ARHGAP25: variants seen among roughly 807,000 people sequenced by gnomAD.
The protein encoded by ARHGAP25 is Rho GTPase activating protein 25.
ARHGAP25 carries 34 observed loss-of-function variants against 71.0 expected under a neutral mutation model. The observed-to-expected ratio is 0.48, with a 90% CI of 0.36 to 0.64. The LOEUF (loss-of-function observed/expected upper bound fraction) is 0.64. ARHGAP25 is among the 30% of genes least tolerant of loss of function. The pLI is 0.00. For missense variants in ARHGAP25, 706 were observed against 805.1 expected (o/e 0.88, Z 1.49); for synonymous variants, 282 against 296.5 (o/e 0.95, Z 0.50).
At chr2:68,797,867 A>G (rs555470006) in intron 4 of ARHGAP25, among the ~76,000 whole-genome samples, 1 of 152,322 alleles carries the variant, frequency 6.6e-6, no homozygotes, top group South Asian at 2.1e-4. Context: ...GGACAGCAGA[A>G]AGGCACTCAC....
intron 10 of ARHGAP25, among the ~76,000 whole-genome samples, chr2:68,823,555 G>T (rs1681865258): frequency 6.6e-6 from 1 of 152,178 alleles, no homozygotes. Context: ...CATGAGAAAA[G>T]AGCAGTCCCC....
chr2:68,769,003 T>C (rs1157282187), intron 1 of ARHGAP25, among the ~76,000 whole-genome samples: 1 of 152,190 alleles, frequency 6.6e-6, no homozygotes, highest in Non-Finnish European at 1.5e-5. Context: ...TGGGGAAGGC[T>C]ACCTTACCAG....
chr2:68,720,817 C>G (rs571468299), intron 2 of ARHGAP25, among the ~76,000 whole-genome samples: 1 of 152,292 alleles, frequency 6.6e-6, no homozygotes, highest in South Asian at 2.1e-4. Context: ...TGTTTGCACA[C>G]GTACTGGGCC....
At chr2:68,712,522 A>G (rs1326380485) in intron 2 of ARHGAP25, among the ~76,000 whole-genome samples, 4 of 152,100 alleles carry the variant, frequency 2.6e-5, no homozygotes, top group Non-Finnish European at 4.4e-5. Context: ...ATTAGATCCC[A>G]TCTGTCTATT....
chr2:68,784,160 GCTCTCTCT>G (rs140044777), intron 3 of ARHGAP25, among the ~76,000 whole-genome samples: 2 of 149,356 alleles, frequency 1.3e-5, no homozygotes, highest in Non-Finnish European at 3.0e-5. Flanking sequence ...TCTCTCTTTC[GCTCTCTCT>G]CTCTCTTTCT....
At chr2:68,772,496 G>A (rs926868333) in intron 1 of ARHGAP25, among the ~76,000 whole-genome samples, 8 of 152,360 alleles carry the variant, frequency 5.3e-5, no homozygotes, top group African/African-American at 1.9e-4. Flanking sequence ...TGAAGTGGGG[G>A]AGAATGCCTC....
At chr2:68,818,309 C>CATTTT (rs765187805) in intron 8 of ARHGAP25, among the ~76,000 whole-genome samples, 224 of 152,184 alleles carry the variant, frequency 1.5e-3, no homozygotes, top group Non-Finnish European at 2.5e-3. Flanking sequence ...AAGCAGGTTT[C>CATTTT]ATTTTATTTT....
At chr2:68,758,860 T>C (rs1676639841) in intron 1 of ARHGAP25, among the ~76,000 whole-genome samples, 1 of 151,914 alleles carries the variant, frequency 6.6e-6, no homozygotes, top group South Asian at 2.1e-4. Context: ...TAGGACACAA[T>C]TTAAGTCTCA....
In ARHGAP25 at chr2:68,810,731, C is replaced by CTTTTTTTTTTTTTTTTTT; in HGVS notation, c.675-2552_675-2535dup. Among the ~76,000 whole-genome samples, 2 of 74,356 alleles carry CTTTTTTTTTTTTTTTTTT rather than the reference C, an allele frequency of 2.7e-5. 1 individual carries two copies. The allele number at this position is 74,356 out of a possible 152,430, so 48.8% of individuals were successfully genotyped here. A position where few individuals can be genotyped will look rare whatever the true frequency, so the allele number is the denominator to read the frequency against. On this transcript the variant is annotated intron_variant, in intron 5 of 10. Coordinates refer to ENST00000409202, the MANE Select transcript of ARHGAP25 (RefSeq NM_001007231.3). The stretch of plus-strand genomic sequence containing the variant: ...GATCCAATTTCTTTTCTTTTCTTCT[C>CTTTTTTTTTTTTTTTTTT]TTTTTTTTTTTTTTTTTTTTTGAGA...
At chr2:68,771,506 C>G (rs1677490237) in intron 1 of ARHGAP25, among the ~76,000 whole-genome samples, 1 of 152,182 alleles carries the variant, frequency 6.6e-6, no homozygotes, top group South Asian at 2.1e-4. Context: ...TTCAAAGAAC[C>G]TAACAAGGAA....
At position 68,735,011 on chromosome 2, in the gene ARHGAP25, A is replaced by C; in HGVS notation, c.-189A>C. Reference sequence around the variant, plus strand: ...CCATCCTCCAGTGACAGATGGATGGACCTTTCATCTAAGAGAAAGGAGGAG... The same window carrying C: ...CCATCCTCCAGTGACAGATGGATGGCCCTTTCATCTAAGAGAAAGGAGGAG... On this transcript the variant is annotated 5_prime_UTR_variant, in exon 1 of 11. Coordinates refer to ENST00000409202, the MANE Select transcript of ARHGAP25 (RefSeq NM_001007231.3). 1 of 628,390 alleles carries C rather than the reference A, an allele frequency of 1.6e-6. No homozygotes were observed. Among genetic ancestry groups the C allele is most frequent in the Non-Finnish European group, 2.9e-6 (1 of 350,452 alleles). The allele number at this position is 628,390 out of a possible 1,614,324, so 38.9% of individuals were successfully genotyped here. A position where few individuals can be genotyped will look rare whatever the true frequency, so the allele number is the denominator to read the frequency against.
In ARHGAP25 at chr2:68,822,345, C is replaced by T. The variant is rs772295238; in HGVS notation, c.1206C>T (p.Ser402=). The T allele has an allele frequency of 6.8e-6, 11 of 1,611,656 alleles. No individual in the cohort carries two copies. Among genetic ancestry groups the T allele is most frequent in the East Asian group, 4.5e-5 (2 of 44,878 alleles). ...CATGGCCATTTCTTTTCTAGACAAG[C>T]GACTCTGATACAACCAGCCCCACCG... The part of the protein sequence containing the change: ...SRTDSFSSMT[S]DSDTTSPTGQ... The change falls in exon 10 of 11, where the codon AGC becomes AGT. Residue 402 remains serine, a synonymous_variant. Transcript: ENST00000409202.
chr2:68,813,138 G>A (rs769261024), intron 5 of ARHGAP25, 149 bp from the exon 6 acceptor site: 1 of 785,984 alleles, frequency 1.3e-6, no homozygotes, highest in Non-Finnish European at 1.8e-6. Context: ...AAATGTTTTG[G>A]TCTGATTCTT....
At position 68,749,083 on chromosome 2, in the gene ARHGAP25, T is replaced by C. The variant is rs77824439; in HGVS notation, c.61+13823T>C. ...AAGCTTAGAGAGAGAGGGAGAGAGA[T>C]ACCAGCATACAGGGGTGAGGGAGAG... On this transcript the variant is annotated intron_variant, in intron 1 of 10. Coordinates refer to ENST00000409202, the MANE Select transcript of ARHGAP25 (RefSeq NM_001007231.3). 9.9e-3 allele frequency among the ~76,000 whole-genome samples: 1,492 copies of C among 150,898 alleles called. 23 individuals are homozygous for C. Among genetic ancestry groups the C allele is most frequent in the African/African-American group, 0.033 (1,354 of 41,086 alleles).
intron 4 of ARHGAP25, among the ~76,000 whole-genome samples, chr2:68,796,733 A>G (rs989733237): frequency 6.6e-6 from 1 of 152,162 alleles, no homozygotes; most frequent in Non-Finnish European, 1.5e-5. Flanking sequence ...CAGGCAGCAT[A>G]TGCTGGCACC....
intron 1 of ARHGAP25, among the ~76,000 whole-genome samples, chr2:68,755,515 A>G (rs1676424505): frequency 6.6e-6 from 1 of 152,268 alleles, no homozygotes; most frequent in Non-Finnish European, 1.5e-5. Context: ...CCGCCAATCC[A>G]TCAATCCCAG....
At position 68,782,317 on chromosome 2, in the gene ARHGAP25, C is replaced by G; in HGVS notation, c.346C>G (p.Pro116Ala). 6.2e-7 allele frequency: 1 copy of G among 1,613,976 alleles called. No homozygotes were observed. The highest frequency in any genetic ancestry group is 8.5e-7 in the Non-Finnish European group (1 of 1,179,906). Residue 116 changes from proline (P) to alanine (A), a missense_variant, in exon 3 of 11, where the codon CCA (proline) becomes GCA (alanine). By Grantham distance (27) the Pro-to-Ala change is conservative. Transcript: ENST00000409202. ...EAGKFVFEII[P>A]ASWDQNRMGQ... ...TGGGAAGTTTGTCTTTGAAATCATT[C>G]CAGGTAGGCCACCACAGGTAGGACA... is the stretch of plus-strand genomic sequence containing the variant.
intron 4 of ARHGAP25, among the ~76,000 whole-genome samples, chr2:68,788,320 C>CA (rs1262356797): frequency 9.9e-5 from 15 of 152,192 alleles, no homozygotes; most frequent in African/African-American, 3.6e-4. Context: ...CCCGGGTACC[C>CA]AGCAGCACTG....
rs796100406 is a variant in ARHGAP25 at position 68,815,443 on chromosome 2, CTTTTTTT to C, written c.808-827_808-821del. On this transcript the variant is annotated intron_variant, in intron 6 of 10. Coordinates refer to ENST00000409202, the MANE Select transcript of ARHGAP25 (RefSeq NM_001007231.3). ...CACCGGCATGTGAATTGTGTACTCTCTTTTTTTTTTTTTTTTTTTTTTTTTGAGATGG... is the reference window on the plus strand; with the variant it reads ...CACCGGCATGTGAATTGTGTACTCTCTTTTTTTTTTTTTTTTTTGAGATGG... Among the ~76,000 whole-genome samples, 13 of 62,290 alleles carry C rather than the reference CTTTTTTT, an allele frequency of 2.1e-4. No individual in the cohort carries two copies. The Admixed American group carries it at 2.5e-3, about 12-fold the overall frequency. The allele number at this position is 62,290 out of a possible 152,430, so 40.9% of individuals were successfully genotyped here.
Sources: gnomAD v4.1 joint callset for allele counts (sites outside exome capture counted in the v4.1 genomes callset) on GRCh38, gnomAD v4.1.1 for gene constraint, MANE v1.5 for transcripts, NCBI Gene and HGNC (gene_info 2026-07-23, HGNC 2026-07-21) for gene names.